NPC1: variants seen among roughly 807,000 people sequenced by gnomAD.
NPC1 encodes NPC intracellular cholesterol transporter 1.
Under a neutral mutation model 140.4 loss-of-function variants are expected in NPC1, and 85 were observed. That is an observed-to-expected ratio of 0.61 (90% CI 0.51 to 0.72). NPC1 has a LOEUF of 0.72. NPC1 is among the 30% of genes least tolerant of loss of function. NPC1 has a pLI of 0.00. For missense variants in NPC1, 1,504 were observed against 1,623.8 expected, an observed-to-expected ratio of 0.93 and a Z score of 1.27; for synonymous variants, 656 against 624.8, an observed-to-expected ratio of 1.05 and a Z score of -0.74.
chr18:23,524,350 C>A, downstream of NPC1: 1 of 1,535,164 alleles, frequency 6.5e-7, no homozygotes, highest in Non-Finnish European at 9.0e-7. Flanking sequence ...ACATGGTGGG[C>A]AGGGGCGAGT....
At chr18:23,549,096 A>G (rs2058830618) in intron 10 of NPC1, among the ~76,000 whole-genome samples, 1 of 152,132 alleles carries the variant, frequency 6.6e-6, no homozygotes, top group Non-Finnish European at 1.5e-5. Context: ...GCTAGAATCA[A>G]TTCTTAAAGC....
At chr18:23,555,116 G>A (rs538749466) in intron 8 of NPC1, 132 bp from the exon 9 acceptor site, 30 of 717,746 alleles carry the variant, frequency 4.2e-5, no homozygotes, top group Non-Finnish European at 7.2e-5. Context: ...AGATGAGGGA[G>A]AGAATTAAGA....
intron 3 of NPC1, among the ~76,000 whole-genome samples, chr18:23,514,843 G>A (rs556088263): frequency 1.2e-4 from 18 of 152,180 alleles, no homozygotes; most frequent in African/African-American, 3.9e-4. Flanking sequence ...AGAAGCTTAC[G>A]GCTCCTGCCC....
chr18:23,509,546 T>A (rs1162160481), intron 3 of NPC1: 1 of 182,736 alleles, frequency 5.5e-6, no homozygotes, highest in Non-Finnish European at 1.1e-5. Flanking sequence ...ATTTTTCTTT[T>A]TATTATTTTA....
At chr18:23,521,053 C>T (rs920236265), downstream of NPC1, among the ~76,000 whole-genome samples, 6 of 152,190 alleles carry the variant, frequency 3.9e-5, no homozygotes, top group African/African-American at 1.4e-4. Context: ...TGGGGTTTCA[C>T]CATGTTGGCC....
At position 23,531,593 on chromosome 18, in the gene NPC1, T is replaced by C. The variant is rs1055113709; in HGVS notation, c.*609A>G. The C allele has an allele frequency of 1.2e-6, 2 of 1,605,276 alleles. No individual in the cohort carries two copies. The highest frequency in any genetic ancestry group is 2.7e-5 in the African/African-American group (2 of 74,434). ...TCTTTGTCCCTCATTTCATGCCACA[T>C]CTAACTGGCAATTAAATCTCTTCCT... On this transcript the variant is annotated 3_prime_UTR_variant, in exon 25 of 25. Coordinates refer to ENST00000269228, the MANE Select transcript of NPC1 (RefSeq NM_000271.5).
At position 23,536,837 on chromosome 18, in the gene NPC1, A is replaced by G. The variant is rs2145357954; in HGVS notation, c.3081T>C (p.Leu1027=). The G allele has an allele frequency of 1.2e-6, 2 of 1,614,166 alleles. No homozygotes were observed. Among genetic ancestry groups the G allele is most frequent in the East Asian group, 2.2e-5 (1 of 44,886 alleles). ...TGGCTCCGACCCTGGTGCCATGGCCAAGGAGGATGTTAACTGCAGAACTAT... is the reference window on the plus strand; with the variant it reads ...TGGCTCCGACCCTGGTGCCATGGCCGAGGAGGATGTTAACTGCAGAACTAT... ...AAYSSAVNIL[L]GHGTRVGATY... is the part of the protein sequence containing the mutation. The change falls in exon 21 of 25, where the codon CTT becomes CTC. Residue 1027 remains leucine (L), a synonymous_variant. Transcript: ENST00000269228.
chr18:23,569,636 A>G (rs2059173883), intron 3 of NPC1, among the ~76,000 whole-genome samples: 1 of 152,204 alleles, frequency 6.6e-6, no homozygotes, highest in Admixed American at 6.5e-5. Context: ...TTTGATTAAG[A>G]AGAAAATAAA....
intron 19 of NPC1, 52 bp downstream of exon 19, chr18:23,539,303 A>C: frequency 7.7e-7 from 1 of 1,299,360 alleles, no homozygotes. Flanking sequence ...TTTAAATGAT[A>C]ATTTGAAAAT....
At chr18:23,577,931 GGCCCACCAAGCCCAC>G (rs2059310927) in intron 1 of NPC1, among the ~76,000 whole-genome samples, 2 of 152,210 alleles carry the variant, frequency 1.3e-5, no homozygotes, top group South Asian at 4.1e-4. Flanking sequence ...CCGAGTGTGG[GGCCCACCAAGCCCAC>G]GCCCACCCGG....
At chr18:23,566,271 C>T (rs2059121727) in intron 4 of NPC1, among the ~76,000 whole-genome samples, 1 of 151,982 alleles carries the variant, frequency 6.6e-6, no homozygotes, top group South Asian at 2.1e-4. Context: ...GTAGCATATG[C>T]CTGTGGTTCC....
intron 3 of NPC1, among the ~76,000 whole-genome samples, chr18:23,571,667 A>G (rs1599008069): frequency 7.3e-6 from 1 of 136,490 alleles, no homozygotes; most frequent in Non-Finnish European, 1.6e-5. Context: ...AAAAAAAAAA[A>G]ATAAAGAAAA....
At chr18:23,548,842 G>A (rs1168841041) in intron 10 of NPC1, among the ~76,000 whole-genome samples, 3 of 152,170 alleles carry the variant, frequency 2.0e-5, no homozygotes, top group Non-Finnish European at 2.9e-5. Context: ...CCAGGCTGAA[G>A]TACAGTGGTG....
chr18:23,527,439 G>A (rs1240620439), downstream of NPC1, among the ~76,000 whole-genome samples: 1 of 151,692 alleles, frequency 6.6e-6, no homozygotes, highest in African/African-American at 2.4e-5. Context: ...AATATGTGCT[G>A]TTGGTGTTTG....
intron 3 of NPC1, chr18:23,516,035 A>T (rs2057993414): frequency 6.2e-7 from 1 of 1,613,256 alleles, no homozygotes; most frequent in South Asian, 1.1e-5. Context: ...ACCTTTCCCC[A>T]GTTGTCCCCT....
chr18:23,544,343 C>A lies in NPC1; in HGVS notation c.2130+1G>T. 2.5e-6 allele frequency: 4 copies of A among 1,613,902 alleles called. No homozygotes were observed. Among genetic ancestry groups the A allele is most frequent in the Non-Finnish European group, 3.4e-6 (4 of 1,179,890 alleles). ...AGCCCTGTGAGAATATGGAAGTATA[C>A]CTGGTAGGCCTGCACCAGAATGAAG... is the stretch of plus-strand genomic sequence containing the variant. On this transcript the variant is annotated splice_donor_variant, in intron 13 of 24. Transcript: ENST00000269228. LOFTEE classifies it high-confidence loss of function.
intron 1 of NPC1, among the ~76,000 whole-genome samples, chr18:23,578,070 G>C (rs974176968): frequency 1.3e-5 from 2 of 152,200 alleles, no homozygotes; most frequent in Non-Finnish European, 2.9e-5. Flanking sequence ...AGCCCAGAAA[G>C]GGGCTCCCAC....
chr18:23,563,362 A>C (rs1224203720), intron 4 of NPC1, among the ~76,000 whole-genome samples: 2 of 152,208 alleles, frequency 1.3e-5, no homozygotes, highest in Non-Finnish European at 2.9e-5. Context: ...GTTGACCTAT[A>C]CTTTCGTCTT....
intron 8 of NPC1, 65 bp from the exon 9 acceptor site, chr18:23,555,049 A>C (rs1394318922): frequency 7.8e-6 from 8 of 1,023,700 alleles, no homozygotes; most frequent in Non-Finnish European, 1.2e-5. Context: ...GATCTTGATT[A>C]ATCAGCATTG....
Sources: gnomAD v4.1 joint callset for allele counts (sites outside exome capture counted in the v4.1 genomes callset) on GRCh38, gnomAD v4.1.1 for gene constraint, MANE v1.5 for transcripts, NCBI Gene and HGNC (gene_info 2026-07-23, HGNC 2026-07-21) for gene names.